PCNX2: variants seen among roughly 807,000 people sequenced by gnomAD.
PCNX2 encodes pecanex 2.
In PCNX2, 168 loss-of-function variants were observed where a neutral mutation model predicts 223.8. That is an observed-to-expected ratio of 0.75 (90% CI 0.66 to 0.85). PCNX2 has a LOEUF of 0.85. Ranked by LOEUF, PCNX2 falls within the 40% of genes least tolerant of loss-of-function variation. The probability of loss-of-function intolerance (pLI) is 0.00; values close to 1 mark genes in which losing one functional copy is unlikely to be tolerated. For synonymous variants in PCNX2, 1,006 were observed against 1,052.6 expected, an observed-to-expected ratio of 0.96 and a Z score of 0.86; for missense variants, 2,507 against 2,675.5, an observed-to-expected ratio of 0.94 and a Z score of 1.39.
At position 233,235,960 on chromosome 1, in the gene PCNX2, ATATAT is replaced by A. The variant is rs1558376542; in HGVS notation, c.2358+880_2358+884del. On this transcript the variant is annotated intron_variant, in intron 9 of 33. Transcript: ENST00000258229. ...TGGCAAAGCAATCATAAAAAAAAAT[ATATAT>A]ATATATATATATATATATATAATTA... Among the ~76,000 whole-genome samples, 155 of 92,632 alleles carry A rather than the reference ATATAT, an allele frequency of 1.7e-3. 2 individuals carry two copies. The East Asian group carries it at 0.018, about 11-fold the overall frequency. 60.8% of individuals were successfully genotyped at this position (92,632 alleles called of 152,430 possible). A position where few individuals can be genotyped will look rare whatever the true frequency, so the allele number is the denominator to read the frequency against.
intron 25 of PCNX2, among the ~76,000 whole-genome samples, chr1:233,037,051 C>G (rs1220412122): frequency 6.6e-6 from 1 of 152,202 alleles, no homozygotes; most frequent in East Asian, 1.9e-4. Flanking sequence ...GCCATCATTA[C>G]CATCACTAAG....
chr1:233,075,114 C>T (rs1249631278), intron 23 of PCNX2, among the ~76,000 whole-genome samples: 1 of 152,158 alleles, frequency 6.6e-6, no homozygotes, highest in Non-Finnish European at 1.5e-5. Flanking sequence ...TTTATGTTCA[C>T]ATAAAAACCT....
upstream of PCNX2, among the ~76,000 whole-genome samples, chr1:233,297,504 G>T (rs978971251): frequency 3.9e-5 from 6 of 152,184 alleles, no homozygotes; most frequent in Non-Finnish European, 7.3e-5. Flanking sequence ...TGTGAGGGAG[G>T]GGTGGTGTCA....
intron 14 of PCNX2, among the ~76,000 whole-genome samples, chr1:233,199,455 G>A (rs1239155598): frequency 6.6e-6 from 1 of 151,898 alleles, no homozygotes. Flanking sequence ...TAGTGTATGT[G>A]TGTGTGTGTG....
At chr1:233,270,025 A>AAT (rs1273462268) in intron 1 of PCNX2, among the ~76,000 whole-genome samples, 3 of 152,212 alleles carry the variant, frequency 2.0e-5, no homozygotes, top group African/African-American at 7.2e-5. Context: ...TTATCAAATT[A>AAT]AGAGAGAGCA....
chr1:233,016,283 T>C (rs1670652696), intron 27 of PCNX2, among the ~76,000 whole-genome samples: 1 of 152,302 alleles, frequency 6.6e-6, no homozygotes, highest in Non-Finnish European at 1.5e-5. Context: ...TGTACCCACA[T>C]TTTCCAACAA....
At chr1:233,196,151 A>G (rs1680714409) in intron 15 of PCNX2, among the ~76,000 whole-genome samples, 1 of 152,182 alleles carries the variant, frequency 6.6e-6, no homozygotes, top group East Asian at 1.9e-4. Context: ...AGTGTTTTCA[A>G]CAAATGGTAC....
chr1:233,100,906 T>A (rs1674451090), intron 21 of PCNX2, among the ~76,000 whole-genome samples: 1 of 152,258 alleles, frequency 6.6e-6, no homozygotes, highest in Admixed American at 6.5e-5. Flanking sequence ...ATTCAGTTAG[T>A]TCTTTCTCAG....
chr1:233,099,392 A>C (rs1571866075), intron 21 of PCNX2, among the ~76,000 whole-genome samples: 1 of 152,216 alleles, frequency 6.6e-6, no homozygotes, highest in African/African-American at 2.4e-5. Flanking sequence ...ACACAGTAAA[A>C]AAGGACCTGA....
intron 9 of PCNX2, chr1:233,231,632 A>G: frequency 1.0e-6 from 1 of 984,020 alleles, no homozygotes; most frequent in Non-Finnish European, 1.2e-6. Context: ...CTGAAAGGGC[A>G]GGGGATAGGG....
Position 233,112,961 on chromosome 1 carries a change from G to A in PCNX2, c.3838-17098C>T, listed in dbSNP as rs114705323. On this transcript the variant is annotated intron_variant, in intron 21 of 33. Coordinates refer to ENST00000258229, the MANE Select transcript of PCNX2 (RefSeq NM_014801.4). ...GAAATCATCCTCTTTGTGTGTGGGT[G>A]CCGTCCTAGGGAGGAGAAGACAAGA... 6,943 of 1,289,338 alleles carry A rather than the reference G, an allele frequency of 5.4e-3. 18 individuals are homozygous for A. Among genetic ancestry groups the A allele is most frequent in the Non-Finnish European group, 6.4e-3 (6,289 of 988,808 alleles). 79.9% of individuals were successfully genotyped at this position (1,289,338 alleles called of 1,614,324 possible). A position where few individuals can be genotyped will look rare whatever the true frequency, so the allele number is the denominator to read the frequency against.
intron 17 of PCNX2, among the ~76,000 whole-genome samples, chr1:233,176,666 A>G (rs1679494843): frequency 6.6e-6 from 1 of 152,264 alleles, no homozygotes; most frequent in Admixed American, 6.5e-5. Context: ...GGCAAACTGC[A>G]GCCACCTGAG....
intron 15 of PCNX2, among the ~76,000 whole-genome samples, chr1:233,188,419 A>C (rs2102874072): frequency 6.6e-6 from 1 of 152,220 alleles, no homozygotes. Flanking sequence ...GAGGGTCTCT[A>C]CTGCTTTTTC....
At position 233,126,359 on chromosome 1, in the gene PCNX2, G is replaced by A. The variant is rs1410345905; in HGVS notation, c.3837+8654C>T. ...AATAACTCATCAAATTATGGTATATGCTATAGCATTCTCTGCAGGGGTCAA... is the reference window on the plus strand; with the variant it reads ...AATAACTCATCAAATTATGGTATATACTATAGCATTCTCTGCAGGGGTCAA... On this transcript the variant is annotated intron_variant, in intron 21 of 33. Coordinates refer to ENST00000258229, the MANE Select transcript of PCNX2 (RefSeq NM_014801.4). This position sits in a 1 kb window ranked among gnomAD's most constrained non-coding sequence, Gnocchi z 4.8. Among the ~76,000 whole-genome samples the A allele has an allele frequency of 6.6e-6, 1 of 152,250 alleles. No individual in the cohort carries two copies. The highest frequency in any genetic ancestry group is 1.9e-4 in the East Asian group (1 of 5,190).
chr1:233,060,574 T>A (rs1672370068), intron 23 of PCNX2, among the ~76,000 whole-genome samples: 1 of 152,226 alleles, frequency 6.6e-6, no homozygotes, highest in African/African-American at 2.4e-5. Context: ...TTTTCTCCAG[T>A]GCTTTCCTCC....
upstream of PCNX2, among the ~76,000 whole-genome samples, chr1:233,297,320 T>C (rs1403280274): frequency 6.6e-6 from 1 of 152,154 alleles, no homozygotes; most frequent in Non-Finnish European, 1.5e-5. Flanking sequence ...AGAAAGCAAA[T>C]GTAAGTCAAA....
rs1034206580 is a variant in PCNX2 at position 233,061,777 on chromosome 1, G to A, written c.4077-4487C>T. Among the ~76,000 whole-genome samples, 4 of 149,210 alleles carry A rather than the reference G, an allele frequency of 2.7e-5. No individual in the cohort carries two copies. The South Asian group carries it at 6.4e-4, about 24-fold the overall frequency. On this transcript the variant is annotated intron_variant, in intron 23 of 33. Transcript: ENST00000258229. ...TTTTGTATTTGTTTTTGTTTTTTTT[G>A]AGACAGAGTCTTACTCTGTCGCCCA...
intron 26 of PCNX2, among the ~76,000 whole-genome samples, chr1:233,017,795 T>C (rs1670737676): frequency 6.6e-6 from 1 of 152,196 alleles, no homozygotes; most frequent in Non-Finnish European, 1.5e-5. Flanking sequence ...AAGAACGTAA[T>C]GCTAACAGAA....
At chr1:233,199,383 G>A (rs1056056192) in intron 14 of PCNX2, among the ~76,000 whole-genome samples, 2 of 152,136 alleles carry the variant, frequency 1.3e-5, no homozygotes, top group Admixed American at 6.5e-5. Flanking sequence ...ATGGGAAGGA[G>A]AAGGAGGGAG....
Sources: gnomAD v4.1 joint callset for allele counts (sites outside exome capture counted in the v4.1 genomes callset) on GRCh38, gnomAD v4.1.1 for gene constraint, Gnocchi (gnomAD v3.1) non-coding constraint, MANE v1.5 for transcripts, NCBI Gene and HGNC (gene_info 2026-07-23, HGNC 2026-07-21) for gene names.